Variants in LRRC4C observed in about 807,000 individuals in gnomAD.
LRRC4C encodes the protein leucine-rich repeat-containing protein 4C.
Under a neutral mutation model 33.6 loss-of-function variants are expected in LRRC4C, and 5 were observed. The observed-to-expected ratio is 0.15, with a 90% confidence interval of 0.08 to 0.31. The LOEUF (loss-of-function observed/expected upper bound fraction) is 0.31, where lower values mean the gene tolerates loss of function less well. Ranked by LOEUF, LRRC4C falls within the 10% of genes least tolerant of loss-of-function variation. The pLI is 1.00. For missense variants in LRRC4C, 560 were observed against 796.7 expected (o/e 0.70, Z 3.58); for synonymous variants, 329 against 302.0 (o/e 1.09, Z -0.93).
intron 5 of LRRC4C, among the ~76,000 whole-genome samples, chr11:40,208,253 A>C (rs1398111792): frequency 1.3e-5 from 2 of 152,218 alleles, no homozygotes; most frequent in Admixed American, 1.3e-4. Flanking sequence ...ACAAAATTAC[A>C]TGGAGTAAAC....
chr11:41,292,369 C>T (rs1302686848), intron 1 of LRRC4C, among the ~76,000 whole-genome samples: 1 of 151,862 alleles, frequency 6.6e-6, no homozygotes, highest in Non-Finnish European at 1.5e-5. Flanking sequence ...TAGAGCAGAG[C>T]CACAGATCAC....
chr11:40,175,530 A>T (rs1381327044), intron 5 of LRRC4C, among the ~76,000 whole-genome samples: 3 of 152,204 alleles, frequency 2.0e-5, no homozygotes, highest in African/African-American at 7.2e-5. Context: ...AGACTGTCTC[A>T]TCAAGGCAGA....
At chr11:40,764,291 C>T (rs1157604736) in intron 2 of LRRC4C, among the ~76,000 whole-genome samples, 5 of 152,088 alleles carry the variant, frequency 3.3e-5, no homozygotes, top group Non-Finnish European at 7.4e-5. Flanking sequence ...CTAAGGAGCC[C>T]TTGGTCCTTG....
intron 4 of LRRC4C, among the ~76,000 whole-genome samples, chr11:40,311,256 T>C (rs1001313022): frequency 6.6e-6 from 1 of 152,214 alleles, no homozygotes; most frequent in African/African-American, 2.4e-5. Flanking sequence ...TCTATCTTTA[T>C]GTTAATGTGC....
At chr11:41,156,990 T>C (rs1470029711) in intron 1 of LRRC4C, among the ~76,000 whole-genome samples, 1 of 151,984 alleles carries the variant, frequency 6.6e-6, no homozygotes, top group Non-Finnish European at 1.5e-5. Context: ...ATTGGAGAAG[T>C]GTTTGCTGTC....
At chr11:40,303,046 T>G (rs144924701) in intron 4 of LRRC4C, among the ~76,000 whole-genome samples, 12 of 152,230 alleles carry the variant, frequency 7.9e-5, no homozygotes, top group Non-Finnish European at 1.6e-4. Context: ...TGGGGAGTTT[T>G]TTCGAACGGT....
At chr11:40,365,874 T>C (rs1948185548) in intron 3 of LRRC4C, among the ~76,000 whole-genome samples, 1 of 152,084 alleles carries the variant, frequency 6.6e-6, no homozygotes, top group African/African-American at 2.4e-5. Context: ...CAATACATAC[T>C]ATTGATATAT....
At chr11:40,876,515 A>G (rs185113328) in intron 2 of LRRC4C, among the ~76,000 whole-genome samples, 1 of 152,162 alleles carries the variant, frequency 6.6e-6, no homozygotes. Context: ...GGCAGATTGC[A>G]TTTGTTGAGC....
chr11:40,822,356 G>A (rs1179410347), intron 2 of LRRC4C, among the ~76,000 whole-genome samples: 1 of 146,782 alleles, frequency 6.8e-6, no homozygotes, highest in Non-Finnish European at 1.5e-5. Context: ...TTTTTTTATC[G>A]CTGAATAGTA....
chr11:40,937,421 A>T (rs902756643), intron 1 of LRRC4C, among the ~76,000 whole-genome samples: 28 of 152,106 alleles, frequency 1.8e-4, no homozygotes, highest in African/African-American at 6.8e-4. Context: ...ATCACAAAAG[A>T]TTCCCTTGTA....
chr11:40,328,901 C>T (rs1184351205), intron 3 of LRRC4C, among the ~76,000 whole-genome samples: 1 of 152,176 alleles, frequency 6.6e-6, no homozygotes, highest in East Asian at 1.9e-4. Context: ...ATCCCCAAAA[C>T]TTTCTGCACT....
At chr11:40,174,537 C>T (rs977127684) in intron 5 of LRRC4C, among the ~76,000 whole-genome samples, 6 of 152,148 alleles carry the variant, frequency 3.9e-5, no homozygotes, top group Admixed American at 1.3e-4. Context: ...GTCTCAGTAC[C>T]GTGTGTGCAC....
At chr11:41,151,323 G>A (rs1943989193) in intron 1 of LRRC4C, among the ~76,000 whole-genome samples, 1 of 152,168 alleles carries the variant, frequency 6.6e-6, no homozygotes, top group South Asian at 2.1e-4. Flanking sequence ...GGTAGATAAA[G>A]CACAGCAGGC....
intron 1 of LRRC4C, among the ~76,000 whole-genome samples, chr11:41,337,229 A>C (rs1481360830): frequency 6.6e-6 from 1 of 152,210 alleles, no homozygotes; most frequent in Non-Finnish European, 1.5e-5. Flanking sequence ...CAAAAAATTA[A>C]GAGATAGGAT....
intron 1 of LRRC4C, among the ~76,000 whole-genome samples, chr11:41,242,336 C>T (rs578187134): frequency 6.6e-6 from 1 of 152,096 alleles, no homozygotes; most frequent in South Asian, 2.1e-4. Flanking sequence ...CTAGTTTTTT[C>T]CACATTTATT....
At chr11:40,742,512 A>C (rs1161549197) in intron 2 of LRRC4C, among the ~76,000 whole-genome samples, 1 of 152,024 alleles carries the variant, frequency 6.6e-6, no homozygotes, top group Non-Finnish European at 1.5e-5. Context: ...AAAATGTCAT[A>C]AAAAAGAGAA....
At chr11:40,638,619 T>C (rs1941910488) in intron 3 of LRRC4C, among the ~76,000 whole-genome samples, 1 of 152,152 alleles carries the variant, frequency 6.6e-6, no homozygotes. Context: ...CCATTTTCAA[T>C]CTTAATTAAA....
intron 1 of LRRC4C, among the ~76,000 whole-genome samples, chr11:41,228,858 C>T (rs887098207): frequency 6.6e-6 from 1 of 152,096 alleles, no homozygotes; most frequent in Non-Finnish European, 1.5e-5. Context: ...TGTATTTGCT[C>T]ACAAAATCTT....
chr11:40,816,811 G>A (rs987771863), intron 2 of LRRC4C, among the ~76,000 whole-genome samples: 5 of 151,870 alleles, frequency 3.3e-5, no homozygotes, highest in Non-Finnish European at 5.9e-5. Flanking sequence ...TATTCTATAG[G>A]GTATTTTGAT....
Sources: allele counts gnomAD v4.1 joint callset (sites outside exome capture counted in the v4.1 genomes callset), GRCh38; gene constraint gnomAD v4.1.1; transcripts MANE v1.5; gene names NCBI Gene and HGNC (gene_info 2026-07-23, HGNC 2026-07-21).